Variants in TANC2 observed in about 807,000 individuals in gnomAD.
TANC2 encodes protein TANC2.
In TANC2, 26 loss-of-function variants were observed where a neutral mutation model predicts 210.5. The ratio of observed to expected loss-of-function variants is 0.12; its 90% CI spans 0.09 to 0.17. The LOEUF is 0.17. TANC2 is among the 10% of genes least tolerant of loss of function. The pLI is 1.00. For synonymous variants in TANC2, 931 were observed against 967.1 expected, an observed-to-expected ratio of 0.96 and a Z score of 0.69; for missense variants, 2,129 against 2,608.9, an observed-to-expected ratio of 0.82 and a Z score of 4.01.
chr17:63,308,332 G>A (rs1480612820), intron 9 of TANC2, among the ~76,000 whole-genome samples: 1 of 152,028 alleles, frequency 6.6e-6, no homozygotes, highest in Non-Finnish European at 1.5e-5. Flanking sequence ...TTCACTCTTT[G>A]CTGTTTCATT....
At chr17:62,974,104 G>C (rs1226204901) in intron 1 of TANC2, among the ~76,000 whole-genome samples, 1 of 152,196 alleles carries the variant, frequency 6.6e-6, no homozygotes, top group African/African-American at 2.4e-5. Flanking sequence ...TGAATATCAT[G>C]AGTTGGAGAT....
chr17:63,140,779 G>A (rs150333792), intron 4 of TANC2, among the ~76,000 whole-genome samples: 1 of 152,068 alleles, frequency 6.6e-6, no homozygotes, highest in Non-Finnish European at 1.5e-5. Flanking sequence ...ACAGAGTGTC[G>A]CTTTGTTGCC....
intron 7 of TANC2, among the ~76,000 whole-genome samples, chr17:63,206,113 A>C (rs558292082): frequency 6.6e-6 from 1 of 152,320 alleles, no homozygotes; most frequent in East Asian, 1.9e-4. Flanking sequence ...CAACATTACT[A>C]GTCATTAGGG....
chr17:63,072,729 G>A (rs535680286), intron 2 of TANC2, among the ~76,000 whole-genome samples: 8 of 151,964 alleles, frequency 5.3e-5, no homozygotes, highest in African/African-American at 7.2e-5. Context: ...TATTGTCGTC[G>A]TATATTTGGA....
At chr17:63,129,255 C>T (rs2038828161) in intron 4 of TANC2, among the ~76,000 whole-genome samples, 1 of 152,092 alleles carries the variant, frequency 6.6e-6, no homozygotes, top group African/African-American at 2.4e-5. Flanking sequence ...CCTCCTGCCT[C>T]GGCCTCCCAA....
chr17:63,013,332 G>GT (rs917372305), intron 2 of TANC2, among the ~76,000 whole-genome samples: 8 of 151,658 alleles, frequency 5.3e-5, no homozygotes, highest in Non-Finnish European at 8.8e-5. Flanking sequence ...GGCTTCTTCC[G>GT]TTTTTTTCTG....
chr17:63,316,214 TTAAG>T (rs2045308256), intron 10 of TANC2, among the ~76,000 whole-genome samples: 1 of 151,930 alleles, frequency 6.6e-6, no homozygotes, highest in South Asian at 2.1e-4. Flanking sequence ...CTTTGAGTGT[TTAAG>T]TATTTATCAC....
chr17:62,972,779 C>T (rs75076813), intron 1 of TANC2, among the ~76,000 whole-genome samples: 4,442 of 152,222 alleles, frequency 0.029, 79 homozygotes, highest in South Asian at 0.037. Context: ...AGTGCTTTAG[C>T]GGTAGTAAAC....
At chr17:63,243,666 T>C (rs1320251570) in intron 8 of TANC2, among the ~76,000 whole-genome samples, 2 of 152,194 alleles carry the variant, frequency 1.3e-5, no homozygotes, top group African/African-American at 4.8e-5. Context: ...ACTAAAGTAA[T>C]GGTTACCTTT....
intron 11 of TANC2, among the ~76,000 whole-genome samples, chr17:63,328,915 T>C (rs924938945): frequency 6.6e-6 from 1 of 152,158 alleles, no homozygotes; most frequent in Non-Finnish European, 1.5e-5. Context: ...CAATTATGAT[T>C]AGTCAATCAA....
chr17:63,354,845 C>G (rs777362372), exon 14 of TANC2: 2 of 1,612,190 alleles, frequency 1.2e-6, no homozygotes, highest in African/African-American at 2.7e-5. Context: ...AGAATGAAGC[C>G]ATAGACCAGG....
At chr17:63,055,293 C>T (rs2144442465) in intron 2 of TANC2, among the ~76,000 whole-genome samples, 1 of 152,012 alleles carries the variant, frequency 6.6e-6, no homozygotes, top group South Asian at 2.1e-4. Flanking sequence ...GACATTTTCC[C>T]TTTTGAAATA....
intron 10 of TANC2, among the ~76,000 whole-genome samples, chr17:63,317,746 A>G (rs1350225977): frequency 6.6e-6 from 1 of 152,200 alleles, no homozygotes; most frequent in African/African-American, 2.4e-5. Context: ...ACTATTGCCT[A>G]CCTATTAACT....
At chr17:63,013,457 T>C (rs1205784890) in intron 2 of TANC2, among the ~76,000 whole-genome samples, 2 of 152,088 alleles carry the variant, frequency 1.3e-5, no homozygotes, top group Non-Finnish European at 2.9e-5. Flanking sequence ...ATCTTTATCA[T>C]TGAAAAAAAT....
rs191659527 is a variant in TANC2, at chr17:63,085,764, A to G, written c.139+11750A>G. ...ATACATAATCAAATATATTGTTGCTATTATTATTTTGAACAACTTATGTGT... is the reference window on the plus strand; with the variant it reads ...ATACATAATCAAATATATTGTTGCTGTTATTATTTTGAACAACTTATGTGT... On this transcript the variant is annotated intron_variant, in intron 3 of 27. Transcript: ENST00000689528. Among the ~76,000 whole-genome samples the G allele has an allele frequency of 1.2e-4, 19 of 152,266 alleles. No individual in the cohort carries two copies. In the East Asian group the frequency reaches 3.3e-3, roughly 26 times the overall value.
chr17:63,312,336 G>A (rs1307764277), intron 9 of TANC2, among the ~76,000 whole-genome samples: 4 of 152,142 alleles, frequency 2.6e-5, no homozygotes, highest in Non-Finnish European at 5.9e-5. Context: ...GTGGTGGATA[G>A]GATAAAGAAA....
At chr17:63,126,991 T>A (rs1395213123) in intron 4 of TANC2, among the ~76,000 whole-genome samples, 1 of 152,244 alleles carries the variant, frequency 6.6e-6, no homozygotes, top group Non-Finnish European at 1.5e-5. Context: ...ATATATAAGG[T>A]ACTGCTTACC....
At chr17:63,248,843 A>T (rs2042982833) in intron 8 of TANC2, among the ~76,000 whole-genome samples, 1 of 152,188 alleles carries the variant, frequency 6.6e-6, no homozygotes, top group Non-Finnish European at 1.5e-5. Context: ...TGGAGTCAGC[A>T]TGTATGCAAA....
chr17:63,080,754 G>A (rs1027217414), intron 3 of TANC2, among the ~76,000 whole-genome samples: 9 of 152,060 alleles, frequency 5.9e-5, no homozygotes, highest in African/African-American at 1.7e-4. Context: ...ATTACGTAGA[G>A]TGACAAGGAA....
Sources: gnomAD v4.1 joint callset for allele counts (sites outside exome capture counted in the v4.1 genomes callset) on GRCh38, gnomAD v4.1.1 for gene constraint, MANE v1.5 for transcripts, NCBI Gene and HGNC (gene_info 2026-07-23, HGNC 2026-07-21) for gene names.